PIGL: variants seen among roughly 807,000 people sequenced by gnomAD.
PIGL encodes the protein N-acetylglucosaminyl-phosphatidylinositol de-N-acetylase.
A neutral mutation model predicts 31.1 loss-of-function variants in PIGL; 22 were observed. That is an observed-to-expected ratio of 0.71 (90% CI 0.51 to 1.01). The LOEUF (loss-of-function observed/expected upper bound fraction) is 1.01. Ranked by LOEUF, PIGL falls within the 50% of genes least tolerant of loss-of-function variation. PIGL has a pLI of 0.00. For synonymous variants in PIGL, 131 were observed against 117.4 expected (o/e 1.12, Z -0.75); for missense variants, 302 against 315.9 (o/e 0.96, Z 0.33).
At chr17:16,220,303 G>A (rs1047417299) in intron 1 of PIGL, among the ~76,000 whole-genome samples, 3 of 151,912 alleles carry the variant, frequency 2.0e-5, no homozygotes, top group Non-Finnish European at 4.4e-5. Context: ...AGCTGAGATC[G>A]CGCCACTGCA....
chr17:16,245,423 G>A (rs768512702), intron 2 of PIGL, among the ~76,000 whole-genome samples: 4 of 151,738 alleles, frequency 2.6e-5, no homozygotes, highest in Admixed American at 1.3e-4. Context: ...CACTACACCC[G>A]GCCTAGAGTG....
At chr17:16,261,994 C>A (rs59514662) in intron 2 of PIGL, among the ~76,000 whole-genome samples, 149,929 of 152,102 alleles carry the variant, frequency 0.99, 73,944 homozygotes, top group Non-Finnish European at 0.99. Context: ...AGGCCAAGGC[C>A]GGCAGATCAC....
chr17:16,284,311 G>A (rs930204434), intron 2 of PIGL, among the ~76,000 whole-genome samples: 1 of 152,054 alleles, frequency 6.6e-6, no homozygotes, highest in African/African-American at 2.4e-5. Context: ...TCAAGGCCGG[G>A]AAATCCATTC....
Position 16,319,223 on chromosome 17 carries a change from C to CAAA in PIGL, c.660+1335_660+1337dup, listed in dbSNP as rs11379081. Among the ~76,000 whole-genome samples, 341 of 82,300 alleles carry CAAA rather than the reference C, an allele frequency of 4.1e-3. 1 individual carries two copies. Among genetic ancestry groups the CAAA allele is most frequent in the African/African-American group, 9.4e-3 (209 of 22,276 alleles). The allele number at this position is 82,300 out of a possible 152,430, so 54.0% of individuals were successfully genotyped here. ...CTGGGCAACAGAGCCAGACCCTAGC[C>CAAA]AAAAAAAAAAAAAAAAAAAAAATCA... On this transcript the variant is annotated intron_variant, in intron 6 of 6. Transcript: ENST00000225609.
chr17:16,293,492 C>T (rs1044982849), intron 2 of PIGL, among the ~76,000 whole-genome samples: 1 of 152,186 alleles, frequency 6.6e-6, no homozygotes, highest in Non-Finnish European at 1.5e-5. Context: ...CGCACCACTG[C>T]ACTCCAGCCT....
intron 3 of PIGL, among the ~76,000 whole-genome samples, chr17:16,301,566 T>C (rs1166594371): frequency 1.4e-5 from 2 of 140,510 alleles, no homozygotes; most frequent in African/African-American, 5.4e-5. Context: ...CCAGCCAATT[T>C]TTAATTTTTT....
intron 6 of PIGL, among the ~76,000 whole-genome samples, chr17:16,320,832 A>G (rs931407241): frequency 6.6e-6 from 1 of 150,844 alleles, no homozygotes; most frequent in African/African-American, 2.4e-5. Context: ...ATGGGATTTC[A>G]CCATATTGGT....
chr17:16,277,619 T>A (rs2092901124), intron 2 of PIGL, among the ~76,000 whole-genome samples: 1 of 152,196 alleles, frequency 6.6e-6, no homozygotes, highest in East Asian at 1.9e-4. Flanking sequence ...GTCCTGAAAG[T>A]TTTTTCCTCT....
intron 1 of PIGL, among the ~76,000 whole-genome samples, chr17:16,219,207 T>C (rs771650349): frequency 1.3e-5 from 2 of 151,770 alleles, no homozygotes; most frequent in Admixed American, 6.6e-5. Context: ...CCCGCCACCA[T>C]GCCCAGCTAA....
In PIGL at chr17:16,219,066, T is replaced by TTTC. The variant is rs201833476; in HGVS notation, c.235+1607_235+1608insCTT. ...AGCATTGACTGACATTTTTTATAAA[T>TTTC]TTTTTTTTTTTTTTTTTTGAGACGG... On this transcript the variant is annotated intron_variant, in intron 1 of 6. Coordinates refer to ENST00000225609, the MANE Select transcript of PIGL (RefSeq NM_004278.4). 3.0e-3 allele frequency among the ~76,000 whole-genome samples: 245 copies of TTTC among 82,708 alleles called. 9 individuals are homozygous for TTTC. Among genetic ancestry groups the TTTC allele is most frequent in the Middle Eastern group, 6.0e-3 (1 of 168 alleles). 54.3% of individuals were successfully genotyped at this position (82,708 alleles called of 152,430 possible).
chr17:16,226,646 C>A lies in PIGL; in HGVS notation c.236-7325C>A, dbSNP rs117449724. Among the ~76,000 whole-genome samples, 8 of 152,260 alleles carry A rather than the reference C, an allele frequency of 5.3e-5. No homozygotes were observed. In the East Asian group the frequency reaches 1.5e-3, roughly 29 times the overall value. Reference sequence around the variant, plus strand: ...CAAGTAAAGGAGAGTATGTGATTAGCAATTCTTAGGGGGTGACATTTTTTC... The same window carrying A: ...CAAGTAAAGGAGAGTATGTGATTAGAAATTCTTAGGGGGTGACATTTTTTC... On this transcript the variant is annotated intron_variant, in intron 1 of 6. Transcript: ENST00000225609.
At chr17:16,325,693 A>C (rs778676209) in intron 6 of PIGL, 107 bp from the exon 7 acceptor site, 2 of 821,606 alleles carry the variant, frequency 2.4e-6, no homozygotes, top group Non-Finnish European at 4.1e-6. Flanking sequence ...CTATAGCATG[A>C]AGCATATTAG....
At chr17:16,278,181 G>A (rs59414015) in intron 2 of PIGL, among the ~76,000 whole-genome samples, 6,528 of 151,814 alleles carry the variant, frequency 0.043, 462 homozygotes, top group African/African-American at 0.15. Context: ...TCAGTCTACC[G>A]AGTAACTGGG....
At chr17:16,308,762 C>T (rs560538635) in intron 3 of PIGL, among the ~76,000 whole-genome samples, 1 of 148,126 alleles carries the variant, frequency 6.8e-6, no homozygotes, top group African/African-American at 2.5e-5. Flanking sequence ...ACTACTTATA[C>T]ACTAATTTAA....
chr17:16,285,266 G>A (rs1452314523), intron 2 of PIGL, among the ~76,000 whole-genome samples: 1 of 152,238 alleles, frequency 6.6e-6, no homozygotes, highest in East Asian at 1.9e-4. Flanking sequence ...CTCATGCCTT[G>A]CTAATCCTTT....
intron 3 of PIGL, among the ~76,000 whole-genome samples, chr17:16,309,284 C>T (rs991850049): frequency 3.9e-5 from 6 of 152,104 alleles, no homozygotes; most frequent in African/African-American, 7.2e-5. Flanking sequence ...AGAGCAGGAA[C>T]GCTTAACCAT....
chr17:16,266,551 ACTG>A (rs998131392), intron 2 of PIGL, among the ~76,000 whole-genome samples: 4 of 151,948 alleles, frequency 2.6e-5, no homozygotes, highest in African/African-American at 9.7e-5. Context: ...AAGACCTTTA[ACTG>A]CCTAGTAGAC....
Position 16,316,616 on chromosome 17 carries a change from C to G in PIGL, c.495-65C>G, listed in dbSNP as rs75583749. ...GCATGGCAGCCTTTCCTCTGAAGGC[C>G]CCTCCTGTTACCTACAAAGGAAATG... On this transcript the variant is annotated intron_variant, in intron 4 of 6. Transcript: ENST00000225609. 1.1e-3 allele frequency: 1,711 copies of G among 1,501,808 alleles called. 21 individuals carry two copies. In the African/African-American group the frequency reaches 0.021, roughly 18 times the overall value. The allele number at this position is 1,501,808 out of a possible 1,614,324, so 93.0% of individuals were successfully genotyped here. A position where few individuals can be genotyped will look rare whatever the true frequency, so the allele number is the denominator to read the frequency against.
intron 3 of PIGL, among the ~76,000 whole-genome samples, chr17:16,310,640 G>A (rs556701023): frequency 2.6e-5 from 4 of 152,142 alleles, no homozygotes; most frequent in Middle Eastern, 3.4e-3. Context: ...GGGTTCAGGC[G>A]ATTCTCCTGC....
Sources: gnomAD v4.1 joint callset for allele counts (sites outside exome capture counted in the v4.1 genomes callset) on GRCh38, gnomAD v4.1.1 for gene constraint, MANE v1.5 for transcripts, NCBI Gene and HGNC (gene_info 2026-07-23, HGNC 2026-07-21) for gene names.